Variants in GALNT2 observed in about 807,000 individuals in gnomAD.
GALNT2 encodes the protein polypeptide N-acetylgalactosaminyltransferase 2.
GALNT2 carries 31 observed loss-of-function variants against 81.4 expected under a neutral mutation model. The ratio of observed to expected loss-of-function variants is 0.38; its 90% CI spans 0.29 to 0.51. The LOEUF (loss-of-function observed/expected upper bound fraction) is 0.51. GALNT2 is among the 20% of genes least tolerant of loss of function. The probability of loss-of-function intolerance (pLI) is 0.87; values close to 1 mark genes in which losing one functional copy is unlikely to be tolerated. For synonymous variants in GALNT2, 303 were observed against 287.4 expected, an observed-to-expected ratio of 1.05 and a Z score of -0.55; for missense variants, 629 against 765.7, an observed-to-expected ratio of 0.82 and a Z score of 2.11.
chr1:230,139,949 C>T (rs1185323461), intron 1 of GALNT2, among the ~76,000 whole-genome samples: 2 of 152,170 alleles, frequency 1.3e-5, no homozygotes, highest in South Asian at 4.1e-4. Flanking sequence ...CACAGAATTG[C>T]GTAGCCCTGG....
intron 1 of GALNT2, among the ~76,000 whole-genome samples, chr1:230,138,482 G>A (rs1288144372): frequency 3.5e-5 from 5 of 143,606 alleles, no homozygotes; most frequent in South Asian, 2.2e-4. Flanking sequence ...CTGAGATCAC[G>A]CCTCTGCACC....
At chr1:230,077,832 C>T (rs1659609580) in intron 1 of GALNT2, among the ~76,000 whole-genome samples, 1 of 152,238 alleles carries the variant, frequency 6.6e-6, no homozygotes, top group African/African-American at 2.4e-5. Flanking sequence ...AGGTAGCCAG[C>T]CTTTGACTCT....
chr1:230,131,170 C>T (rs1338955516), intron 1 of GALNT2, among the ~76,000 whole-genome samples: 1 of 151,910 alleles, frequency 6.6e-6, no homozygotes, highest in African/African-American at 2.4e-5. Flanking sequence ...GTCCCTGAGT[C>T]GTTTTTTAGA....
chr1:230,243,571 T>G lies in GALNT2; in HGVS notation c.729+144T>G, dbSNP rs142522415. ...CTGAGCTCGCCGTCTGCAGTTTTCC[T>G]TGATAGAAGGAAAATGCCTTTGGGG... On this transcript the variant is annotated intron_variant, in intron 7 of 15. Coordinates refer to ENST00000366672, the MANE Select transcript of GALNT2 (RefSeq NM_004481.5). This position sits in a 1 kb window ranked among gnomAD's most constrained non-coding sequence, Gnocchi z 4.2. 2.8e-4 allele frequency: 300 copies of G among 1,053,556 alleles called. 2 individuals carry two copies. In the African/African-American group the frequency reaches 4.3e-3, roughly 15 times the overall value. 65.3% of individuals were successfully genotyped at this position (1,053,556 alleles called of 1,614,324 possible).
At chr1:230,092,284 T>C (rs1660116396) in intron 1 of GALNT2, among the ~76,000 whole-genome samples, 1 of 151,636 alleles carries the variant, frequency 6.6e-6, no homozygotes. Context: ...TCATCAGACT[T>C]GAGTTCTTTC....
intron 1 of GALNT2, among the ~76,000 whole-genome samples, chr1:230,124,062 G>A (rs1327489562): frequency 6.6e-6 from 1 of 152,162 alleles, no homozygotes; most frequent in Non-Finnish European, 1.5e-5. Flanking sequence ...ATGACTCCCT[G>A]TCCTTTGGAC....
intron 1 of GALNT2, among the ~76,000 whole-genome samples, chr1:230,149,647 G>A (rs568846701): frequency 1.3e-5 from 2 of 152,244 alleles, no homozygotes; most frequent in South Asian, 4.1e-4. Flanking sequence ...TGTTACCTAG[G>A]TGGGCTTAAT....
intron 1 of GALNT2, among the ~76,000 whole-genome samples, chr1:230,127,427 G>A (rs530409886): frequency 6.6e-6 from 1 of 152,154 alleles, no homozygotes; most frequent in African/African-American, 2.4e-5. Flanking sequence ...CCAGGCAGGA[G>A]TGCAGTGGCG....
At chr1:230,082,387 G>A (rs1659762427) in intron 1 of GALNT2, among the ~76,000 whole-genome samples, 1 of 152,346 alleles carries the variant, frequency 6.6e-6, no homozygotes, top group Non-Finnish European at 1.5e-5. Context: ...CTGATGGGTT[G>A]GTGATTTCAT....
intron 1 of GALNT2, among the ~76,000 whole-genome samples, chr1:230,105,623 C>T (rs977243841): frequency 2.0e-5 from 3 of 152,138 alleles, no homozygotes; most frequent in Non-Finnish European, 2.9e-5. Context: ...TCGCAGTGGT[C>T]AGCACGGATG....
chr1:230,131,762 C>T (rs891417773), intron 1 of GALNT2, among the ~76,000 whole-genome samples: 8 of 152,152 alleles, frequency 5.3e-5, no homozygotes, highest in African/African-American at 1.4e-4. Context: ...GAGTGAGGGT[C>T]GTGATCAACT....
intron 1 of GALNT2, among the ~76,000 whole-genome samples, chr1:230,085,505 C>T (rs1416850827): frequency 6.6e-6 from 1 of 152,192 alleles, no homozygotes; most frequent in Non-Finnish European, 1.5e-5. Context: ...CTGGGCCATC[C>T]CTGTGTACAG....
chr1:230,247,377 G>T (rs1350025752), intron 8 of GALNT2, among the ~76,000 whole-genome samples: 3 of 152,200 alleles, frequency 2.0e-5, no homozygotes, highest in Admixed American at 1.3e-4. Context: ...TTTTGCCTCT[G>T]CTTCTCAGCT....
Position 230,255,341 on chromosome 1 carries a change from C to G in GALNT2, c.1133C>G (p.Ala378Gly). 6.2e-7 allele frequency: 1 copy of G among 1,614,194 alleles called. No individual in the cohort carries two copies. Among genetic ancestry groups the G allele is most frequent in the Non-Finnish European group, 8.5e-7 (1 of 1,180,044 alleles). The change falls in exon 11 of 16, where the codon GCC (alanine) becomes GGC (glycine). Residue 378 changes from alanine (A) to glycine (G), a missense_variant. Ala to Gly is a moderately conservative substitution (Grantham distance 60). Coordinates refer to ENST00000366672, the MANE Select transcript of GALNT2 (RefSeq NM_004481.5). ...CCGGGTGGCAGTGGCACTGTCTTTG[C>G]CCGGTAAGTAGTGAAAGGCTGAGCG... ...TFPGGSGTVFARNTRRAAEVW... is the reference protein window; with the variant it reads ...TFPGGSGTVFGRNTRRAAEVW...
intron 1 of GALNT2, among the ~76,000 whole-genome samples, chr1:230,128,639 G>T (rs1661270489): frequency 6.6e-6 from 1 of 151,974 alleles, no homozygotes; most frequent in African/African-American, 2.4e-5. Flanking sequence ...GGGTGGTTGG[G>T]GGGAGGTAGG....
intron 1 of GALNT2, among the ~76,000 whole-genome samples, chr1:230,101,588 A>G (rs1052339808): frequency 6.6e-6 from 1 of 152,264 alleles, no homozygotes; most frequent in Admixed American, 6.5e-5. Context: ...ACACAGTCCC[A>G]GTGGTGTTTT....
At chr1:230,188,805 A>G (rs1335919990) in intron 2 of GALNT2, among the ~76,000 whole-genome samples, 1 of 152,020 alleles carries the variant, frequency 6.6e-6, no homozygotes, top group African/African-American at 2.4e-5. Flanking sequence ...CTTCAAATAG[A>G]GTATGTATAT....
rs530571713 is a variant in GALNT2, at chr1:230,153,884, G to C, written c.127-24334G>C. Among the ~76,000 whole-genome samples the C allele has an allele frequency of 1.4e-4, 22 of 152,262 alleles. No homozygotes were observed. In the South Asian group the frequency reaches 4.4e-3, roughly 30 times the overall value. On this transcript the variant is annotated intron_variant, in intron 1 of 15. Coordinates refer to ENST00000366672, the MANE Select transcript of GALNT2 (RefSeq NM_004481.5). ...AACTGATATGTTCATAAAAGCTACT[G>C]GTAAAAACAAAACAACAACAAAAAA...
At chr1:230,252,913 C>T (rs1167273787) in intron 10 of GALNT2, among the ~76,000 whole-genome samples, 7 of 124,520 alleles carry the variant, frequency 5.6e-5, no homozygotes, top group African/African-American at 2.2e-4. Context: ...GTGGCACATT[C>T]TTGGCTCACC....
Sources: allele counts gnomAD v4.1 joint callset (sites outside exome capture counted in the v4.1 genomes callset), GRCh38; gene constraint gnomAD v4.1.1; non-coding constraint Gnocchi (gnomAD v3.1); transcripts MANE v1.5; gene names NCBI Gene and HGNC (gene_info 2026-07-23, HGNC 2026-07-21).